GNA12: variants seen among roughly 807,000 people sequenced by gnomAD.
GNA12 encodes G protein subunit alpha 12.
In GNA12, 9 loss-of-function variants were observed where a neutral mutation model predicts 26.0. That is an observed-to-expected ratio of 0.35 (90% CI 0.21 to 0.60). The LOEUF (loss-of-function observed/expected upper bound fraction) is 0.60, where lower values mean the gene tolerates loss of function less well. Among genes scored for constraint, GNA12 ranks in the 20% least tolerant of loss-of-function variants. The pLI, the probability that GNA12 is intolerant of heterozygous loss-of-function variation, is 0.78. For missense variants in GNA12, 405 were observed against 525.8 expected, an observed-to-expected ratio of 0.77 and a Z score of 2.25; for synonymous variants, 264 against 219.6, an observed-to-expected ratio of 1.20 and a Z score of -1.79.
rs76419627 is a variant in GNA12, at chr7:2,808,550, C to G, written c.310-13407G>C. ...CTGGGCCGCACAGGAGGACCTCACTCCCCACAGAGCAGCAGCGGCCTGCAG... is the reference window on the plus strand; with the variant it reads ...CTGGGCCGCACAGGAGGACCTCACTGCCCACAGAGCAGCAGCGGCCTGCAG... On this transcript the variant is annotated intron_variant, in intron 1 of 3. Transcript: ENST00000275364. Among the ~76,000 whole-genome samples, 1,396 of 152,316 alleles carry G rather than the reference C, an allele frequency of 9.2e-3. 9 individuals are homozygous for G. Among genetic ancestry groups the G allele is most frequent in the Middle Eastern group, 0.071 (21 of 294 alleles).
intron 2 of GNA12, chr7:2,760,386 A>G (rs1343952441): frequency 1.3e-5 from 2 of 152,544 alleles, no homozygotes; most frequent in East Asian, 3.8e-4. Flanking sequence ...GAACTGGCTC[A>G]CTGCCAATCA....
intron 2 of GNA12, among the ~76,000 whole-genome samples, chr7:2,771,737 CA>C (rs1791953490): frequency 6.6e-6 from 1 of 152,206 alleles, no homozygotes; most frequent in Admixed American, 6.5e-5. Context: ...CTGCCATAAA[CA>C]TGTGTGTGCA....
chr7:2,772,341 C>A (rs1029159309), intron 2 of GNA12, among the ~76,000 whole-genome samples: 2 of 152,112 alleles, frequency 1.3e-5, no homozygotes, highest in African/African-American at 4.8e-5. Flanking sequence ...GCAGGCGGAT[C>A]ACGAGGTCAG....
chr7:2,819,500 A>C (rs2115493734), intron 1 of GNA12, among the ~76,000 whole-genome samples: 1 of 152,348 alleles, frequency 6.6e-6, no homozygotes, highest in Admixed American at 6.5e-5. Flanking sequence ...TATGTGACTC[A>C]TTACTGAAAG....
At position 2,738,680 on chromosome 7, in the gene GNA12, C is replaced by T. The variant is rs1583214793; in HGVS notation, c.526-5179G>A. On this transcript the variant is annotated intron_variant, in intron 2 of 3. Coordinates refer to ENST00000275364, the MANE Select transcript of GNA12 (RefSeq NM_007353.3). ...AGTAGCCCTCTCTGAGTATGTCTGA[C>T]TTTGGAACCATGCTAACATCTTCCA... Among the ~76,000 whole-genome samples the T allele has an allele frequency of 2.0e-5, 3 of 151,902 alleles. No homozygotes were observed. The South Asian group carries it at 6.2e-4, about 32-fold the overall frequency.
rs1440795612 is a variant in GNA12 at position 2,844,238 on chromosome 7, C to T, written c.-77G>A. ...TCCCGCCGGCGAGGGCGAGCCCGGG[C>T]CGAGGCACCGCCCCACGCCCCGCCG... On this transcript the variant is annotated 5_prime_UTR_variant, in exon 1 of 4. Coordinates refer to ENST00000275364, the MANE Select transcript of GNA12 (RefSeq NM_007353.3). 6 of 704,046 alleles carry T rather than the reference C, an allele frequency of 8.5e-6. No homozygotes were observed. Among genetic ancestry groups the T allele is most frequent in the Non-Finnish European group, 1.0e-5 (6 of 575,170 alleles). 43.6% of individuals were successfully genotyped at this position (704,046 alleles called of 1,614,324 possible). A position where few individuals can be genotyped will look rare whatever the true frequency, so the allele number is the denominator to read the frequency against.
At position 2,811,533 on chromosome 7, in the gene GNA12, T is replaced by G. The variant is rs80149109; in HGVS notation, c.310-16390A>C. Among the ~76,000 whole-genome samples the G allele has an allele frequency of 1.3e-3, 199 of 152,344 alleles. 2 individuals carry two copies. Among genetic ancestry groups the G allele is most frequent in the African/African-American group, 4.4e-3 (185 of 41,578 alleles). ...CAATGAAGTAACTTTTATCAAATTT[T>G]TGCCAACTATATAGACTTCTTAAAA... On this transcript the variant is annotated intron_variant, in intron 1 of 3. Coordinates refer to ENST00000275364, the MANE Select transcript of GNA12 (RefSeq NM_007353.3).
intron 2 of GNA12, among the ~76,000 whole-genome samples, chr7:2,786,727 A>G (rs1402576269): frequency 2.0e-5 from 3 of 152,212 alleles, no homozygotes; most frequent in Non-Finnish European, 2.9e-5. Flanking sequence ...CTAGTCCGTG[A>G]CCAGCACAGA....
chr7:2,823,337 T>C (rs745686911), intron 1 of GNA12, among the ~76,000 whole-genome samples: 15 of 152,154 alleles, frequency 9.9e-5, no homozygotes, highest in Non-Finnish European at 1.6e-4. Context: ...CTGATAGCAG[T>C]AAGGGCAAAA....
intron 2 of GNA12, among the ~76,000 whole-genome samples, chr7:2,780,842 T>A (rs1792208759): frequency 6.6e-6 from 1 of 152,232 alleles, no homozygotes; most frequent in Non-Finnish European, 1.5e-5. Flanking sequence ...GCTATGAACA[T>A]TTACATACAT....
chr7:2,733,862 G>T (rs1317255921), intron 2 of GNA12, among the ~76,000 whole-genome samples: 2 of 152,184 alleles, frequency 1.3e-5, no homozygotes, highest in African/African-American at 4.8e-5. Context: ...GGCTAGAATA[G>T]GATTTTAGAT....
At chr7:2,781,738 AT>A (rs1326753038) in intron 2 of GNA12, among the ~76,000 whole-genome samples, 1 of 152,154 alleles carries the variant, frequency 6.6e-6, no homozygotes, top group African/African-American at 2.4e-5. Context: ...GCTACATGAA[AT>A]TTAGCTTGCA....
intron 2 of GNA12, among the ~76,000 whole-genome samples, chr7:2,789,878 G>A (rs551425465): frequency 6.6e-6 from 1 of 152,316 alleles, no homozygotes; most frequent in South Asian, 2.1e-4. Context: ...GGAAAGCCCA[G>A]GAAAGGGCAG....
intron 2 of GNA12, among the ~76,000 whole-genome samples, chr7:2,778,371 T>C (rs1282970347): frequency 1.3e-5 from 2 of 152,218 alleles, no homozygotes; most frequent in African/African-American, 2.4e-5. Flanking sequence ...CACTTATGGA[T>C]TGCATCAGCC....
chr7:2,741,908 A>G (rs921701351), intron 2 of GNA12, among the ~76,000 whole-genome samples: 1 of 151,582 alleles, frequency 6.6e-6, no homozygotes, highest in South Asian at 2.1e-4. Flanking sequence ...TCTAATATAT[A>G]CAGATACAGC....
intron 2 of GNA12, among the ~76,000 whole-genome samples, chr7:2,753,915 CAT>C (rs1031034254): frequency 2.0e-5 from 3 of 152,128 alleles, no homozygotes; most frequent in Non-Finnish European, 4.4e-5. Context: ...AGGGAGAGCT[CAT>C]GTATGGGTTA....
At chr7:2,810,351 T>G (rs547218102) in intron 1 of GNA12, among the ~76,000 whole-genome samples, 96 of 152,292 alleles carry the variant, frequency 6.3e-4, no homozygotes, top group African/African-American at 2.3e-3. Flanking sequence ...TCTGTCCTTG[T>G]GATCTCATCA....
Position 2,771,019 on chromosome 7 carries a change from C to T in GNA12, c.525+23909G>A, listed in dbSNP as rs549213920. On this transcript the variant is annotated intron_variant, in intron 2 of 3. Transcript: ENST00000275364. ...TAAAATCAAAGAAAAGGCCAGGCGC[C>T]GTGGCTCACACCTGTAATCCCAGCA... Among the ~76,000 whole-genome samples the T allele has an allele frequency of 7.2e-5, 11 of 152,188 alleles. No homozygotes were observed. The East Asian group carries it at 1.4e-3, about 19-fold the overall frequency.
chr7:2,812,800 T>C (rs901571611), intron 1 of GNA12, among the ~76,000 whole-genome samples: 1 of 152,202 alleles, frequency 6.6e-6, no homozygotes, highest in Non-Finnish European at 1.5e-5. Context: ...AGCATCTGTC[T>C]AGATGCCTAG....
Sources: gnomAD v4.1 joint callset for allele counts (sites outside exome capture counted in the v4.1 genomes callset) on GRCh38, gnomAD v4.1.1 for gene constraint, MANE v1.5 for transcripts, NCBI Gene and HGNC (gene_info 2026-07-23, HGNC 2026-07-21) for gene names.